SDHC: variants seen among roughly 807,000 people sequenced by gnomAD.
SDHC encodes succinate dehydrogenase complex subunit C.
Under a neutral mutation model 22.6 loss-of-function variants are expected in SDHC, and 11 were observed. The ratio of observed to expected loss-of-function variants is 0.49; its 90% CI spans 0.31 to 0.81. The LOEUF (loss-of-function observed/expected upper bound fraction) is 0.81, where lower values mean the gene tolerates loss of function less well. Ranked by LOEUF, SDHC falls within the 30% of genes least tolerant of loss-of-function variation. The probability of loss-of-function intolerance (pLI) is 0.05; values close to 1 mark genes in which losing one functional copy is unlikely to be tolerated. For synonymous variants in SDHC, 80 were observed against 77.8 expected (o/e 1.03, Z -0.15); for missense variants, 160 against 212.0 (o/e 0.75, Z 1.52).
At chr1:161,346,694 G>A (rs1671911513) in intron 4 of SDHC, among the ~76,000 whole-genome samples, 1 of 151,958 alleles carries the variant, frequency 6.6e-6, no homozygotes, top group Non-Finnish European at 1.5e-5. Flanking sequence ...CACCATGCCC[G>A]GCCATGATAG....
intron 1 of SDHC, among the ~76,000 whole-genome samples, chr1:161,319,765 A>G (rs16832817): frequency 0.12 from 17,816 of 152,146 alleles, 1,410 homozygotes; most frequent in African/African-American, 0.22. Context: ...TGAGTTTTGA[A>G]GGATGAGTTT....
intron 3 of SDHC, chr1:161,339,690 T>TTTTTTTG: frequency 6.2e-6 from 2 of 322,768 alleles, no homozygotes; most frequent in Non-Finnish European, 4.8e-6. Context: ...TTTTTTTTTT[T>TTTTTTTG]GGAGACAGAG....
chr1:161,360,201 T>C (rs1339686459), intron 5 of SDHC, among the ~76,000 whole-genome samples: 1 of 151,924 alleles, frequency 6.6e-6, no homozygotes, highest in Non-Finnish European at 1.5e-5. Context: ...TAGTGACTTA[T>C]AATATAATAT....
At chr1:161,344,853 C>G (rs1671840503) in intron 4 of SDHC, among the ~76,000 whole-genome samples, 2 of 152,206 alleles carry the variant, frequency 1.3e-5, no homozygotes, top group African/African-American at 4.8e-5. Context: ...ACAACTGTCT[C>G]TTAGAAGATA....
intron 3 of SDHC, among the ~76,000 whole-genome samples, chr1:161,336,903 T>G (rs1206315654): frequency 6.6e-6 from 1 of 152,062 alleles, no homozygotes; most frequent in Non-Finnish European, 1.5e-5. Context: ...AGAGTCTCCC[T>G]CTGTTACTCA....
chr1:161,332,237 A>G (rs1671304043), intron 3 of SDHC, among the ~76,000 whole-genome samples: 1 of 152,020 alleles, frequency 6.6e-6, no homozygotes, highest in South Asian at 2.1e-4. Context: ...TTTCTCCCAA[A>G]GTGTTGGGGT....
At chr1:161,339,563 C>A in intron 3 of SDHC, 1 of 1,265,664 alleles carries the variant, frequency 7.9e-7, no homozygotes, top group Non-Finnish European at 1.0e-6. Flanking sequence ...TTTTCTCAGC[C>A]CTATCAGTGA....
intron 4 of SDHC, among the ~76,000 whole-genome samples, chr1:161,345,718 A>G (rs1269660576): frequency 6.6e-6 from 1 of 152,102 alleles, no homozygotes; most frequent in Non-Finnish European, 1.5e-5. Context: ...GGCCTCCCAA[A>G]GTGTTGGGAT....
chr1:161,328,273 A>ATTT (rs1159750427), intron 2 of SDHC, 123 bp from the exon 3 acceptor site: 1 of 802,894 alleles, frequency 1.2e-6, no homozygotes, highest in African/African-American at 1.7e-5. Flanking sequence ...AAGAGCTGAG[A>ATTT]TTACAGGCCT....
intron 3 of SDHC, among the ~76,000 whole-genome samples, chr1:161,338,849 T>G (rs2102330683): frequency 6.6e-6 from 1 of 151,996 alleles, no homozygotes; most frequent in East Asian, 1.9e-4. Flanking sequence ...GATTGCTTTC[T>G]TTCTTTTTCT....
intron 3 of SDHC, among the ~76,000 whole-genome samples, chr1:161,333,918 C>T (rs1671376225): frequency 1.3e-5 from 2 of 152,212 alleles, no homozygotes; most frequent in Admixed American, 1.3e-4. Flanking sequence ...ATTTCAAAGG[C>T]ACTTCCACAT....
rs1455783076 is a variant in SDHC, at chr1:161,356,838, T to A, written c.403T>A (p.Leu135Met). The A allele has an allele frequency of 6.2e-7, 1 of 1,614,006 alleles. No homozygotes were observed. The highest frequency in any genetic ancestry group is 1.1e-5 in the South Asian group (1 of 91,076). ...MYHTWNGIRH[L>M]MWDLGKGLKI... ...TCATACCTGGAATGGGATCCGACAC[T>A]TGGTAAGTTAATTCGGGATTTGCAC... Residue 135 changes from leucine to methionine, a missense_variant and splice_region_variant, in exon 5 of 6, where the codon TTG becomes ATG. Around this residue, in one of 2 missense-constraint regions of SDHC, gnomAD observed 74 missense variants for 128.6 expected, o/e 0.58. Transcript: ENST00000367975.
chr1:161,349,708 A>C (rs1672037144), intron 4 of SDHC, among the ~76,000 whole-genome samples: 1 of 152,184 alleles, frequency 6.6e-6, no homozygotes, highest in East Asian at 1.9e-4. Flanking sequence ...CATCTGTTAT[A>C]CTTTAGAAAT....
chr1:161,359,277 A>G (rs1188262699), intron 5 of SDHC, among the ~76,000 whole-genome samples: 1 of 152,200 alleles, frequency 6.6e-6, no homozygotes, highest in Non-Finnish European at 1.5e-5. Flanking sequence ...CTTAGAGACA[A>G]GCACTTTCTG....
At position 161,356,841 on chromosome 1, in the gene SDHC, G is replaced by T. The variant is rs587776653; in HGVS notation, c.405+1G>T. The T allele has an allele frequency of 1.9e-6, 3 of 1,613,922 alleles. No individual in the cohort carries two copies. The highest frequency in any genetic ancestry group is 2.5e-6 in the Non-Finnish European group (3 of 1,179,852). On this transcript the variant is annotated splice_donor_variant, in intron 5 of 5. Transcript: ENST00000367975. LOFTEE classifies it high-confidence loss of function. ...TACCTGGAATGGGATCCGACACTTG[G>T]TAAGTTAATTCGGGATTTGCACATT...
At chr1:161,361,484 G>A (rs1672507732) in intron 5 of SDHC, among the ~76,000 whole-genome samples, 1 of 152,026 alleles carries the variant, frequency 6.6e-6, no homozygotes, top group East Asian at 1.9e-4. Context: ...TTCTGAGATT[G>A]ACTGTATCTA....
chr1:161,345,247 C>T (rs1314469649), intron 4 of SDHC, among the ~76,000 whole-genome samples: 2 of 152,112 alleles, frequency 1.3e-5, no homozygotes, highest in Non-Finnish European at 2.9e-5. Flanking sequence ...GTCTGAAATG[C>T]CCACCCTGAC....
intron 5 of SDHC, among the ~76,000 whole-genome samples, chr1:161,359,782 C>T (rs1463026155): frequency 6.6e-6 from 1 of 152,006 alleles, no homozygotes; most frequent in Non-Finnish European, 1.5e-5. Flanking sequence ...AGTTTTTGGC[C>T]TCTGAACTTG....
At chr1:161,316,944 G>A (rs1670637576) in intron 1 of SDHC, among the ~76,000 whole-genome samples, 1 of 151,846 alleles carries the variant, frequency 6.6e-6, no homozygotes, top group Non-Finnish European at 1.5e-5. Context: ...CAATAACTTG[G>A]GCCCACTTAA....
Sources: allele counts gnomAD v4.1 joint callset (sites outside exome capture counted in the v4.1 genomes callset), GRCh38; gene constraint gnomAD v4.1.1; regional missense constraint gnomAD v4.1.1; transcripts MANE v1.5; gene names NCBI Gene and HGNC (gene_info 2026-07-23, HGNC 2026-07-21).